SLC17A8: variants seen among roughly 807,000 people sequenced by gnomAD.
SLC17A8 encodes the protein solute carrier family 17 member 8.
In SLC17A8, 31 loss-of-function variants were observed where a neutral mutation model predicts 58.0. The ratio of observed to expected loss-of-function variants is 0.53; its 90% confidence interval spans 0.40 to 0.72. SLC17A8 has a LOEUF of 0.72. Among genes scored for constraint, SLC17A8 ranks in the 30% least tolerant of loss-of-function variants. The pLI is 0.00. For missense variants in SLC17A8, 655 were observed against 727.8 expected, an observed-to-expected ratio of 0.90 and a Z score of 1.15; for synonymous variants, 228 against 249.0, an observed-to-expected ratio of 0.92 and a Z score of 0.79.
chr12:100,417,903 TG>T, intron 10 of SLC17A8, 125 bp from the exon 11 acceptor site: 3 of 1,177,652 alleles, frequency 2.5e-6, no homozygotes, highest in Admixed American at 1.7e-5. Flanking sequence ...CCTCTTGGTC[TG>T]GAAACTAGTC....
Position 100,391,132 on chromosome 12 carries a change from G to T in SLC17A8, c.473+13G>T. On this transcript the variant is annotated intron_variant, in intron 3 of 11. Transcript: ENST00000323346. ...TTGCTGCTAACAGGTAAGATAAATT[G>T]ATATAACATGATACAAACCAATGAA... is the stretch of plus-strand genomic sequence containing the variant. The T allele has an allele frequency of 6.6e-7, 1 of 1,505,786 alleles. No homozygotes were observed. Among genetic ancestry groups the T allele is most frequent in the South Asian group, 1.1e-5 (1 of 88,772 alleles). 93.3% of individuals were successfully genotyped at this position (1,505,786 alleles called of 1,614,324 possible).
In SLC17A8 at chr12:100,394,216, C is replaced by T. The variant is rs143372291; in HGVS notation, c.588+733C>T. ...ACCCTCGATATACAGCAATGTTTCC[C>T]AAACACAGTCATTCACCTCTGACCT... On this transcript the variant is annotated intron_variant, in intron 4 of 11. Transcript: ENST00000323346. 6.5e-4 allele frequency among the ~76,000 whole-genome samples: 99 copies of T among 152,194 alleles called. 1 individual carries two copies. The highest frequency in any genetic ancestry group is 1.8e-3 in the Admixed American group (27 of 15,290).
intron 2 of SLC17A8, among the ~76,000 whole-genome samples, chr12:100,385,324 C>T (rs1289593673): frequency 6.6e-6 from 1 of 151,070 alleles, no homozygotes; most frequent in Non-Finnish European, 1.5e-5. Context: ...GCGACCTCCA[C>T]CTCCCCGGTT....
rs11568543 is a variant in SLC17A8, at chr12:100,401,837, G to C, written c.737G>C (p.Gly246Ala). Residue 246 changes from glycine (G) to alanine (A), a missense_variant, in exon 6 of 12, where the codon GGA becomes GCA. Gly to Ala is a moderately conservative substitution (Grantham distance 60). Transcript: ENST00000323346. Reference protein sequence around the residue: ...PLAGVLVQYIGWSSVFYIYGM... With the variant: ...PLAGVLVQYIAWSSVFYIYGM... ...GCTGGGGTGTTGGTGCAGTACATTG[G>C]ATGGTCCTCTGTCTTTTATATTTAT... 1.9e-6 allele frequency: 3 copies of C among 1,613,958 alleles called. No homozygotes were observed. The East Asian group carries it at 6.7e-5, about 36-fold the overall frequency.
In SLC17A8 at chr12:100,357,074, A is replaced by G. The variant is rs899807203; in HGVS notation, c.-318A>G. On this transcript the variant is annotated 5_prime_UTR_variant, in exon 1 of 12. Transcript: ENST00000323346. Reference sequence around the variant, plus strand: ...CCAGGGAGGGAGAGAGGCTGCGCTCAGTCTGAGAGTGGCTGCCTGAGACAG... The same window carrying G: ...CCAGGGAGGGAGAGAGGCTGCGCTCGGTCTGAGAGTGGCTGCCTGAGACAG... 1.7e-5 allele frequency: 6 copies of G among 351,568 alleles called. No individual in the cohort carries two copies. The highest frequency in any genetic ancestry group is 2.8e-5 in the Non-Finnish European group (5 of 181,674). The allele number at this position is 351,568 out of a possible 1,614,324, so 21.8% of individuals were successfully genotyped here. A position where few individuals can be genotyped will look rare whatever the true frequency, so the allele number is the denominator to read the frequency against.
chr12:100,410,212 T>G (rs1170365404), intron 9 of SLC17A8, among the ~76,000 whole-genome samples: 3 of 151,438 alleles, frequency 2.0e-5, no homozygotes, highest in Admixed American at 1.3e-4. Context: ...ATACAAAAAT[T>G]AGACTGGGCG....
rs762308166 is a variant in SLC17A8, at chr12:100,402,340, G to A, written c.764G>A (p.Gly255Asp). The A allele has an allele frequency of 6.2e-7, 1 of 1,614,000 alleles. No individual in the cohort carries two copies. Among genetic ancestry groups the A allele is most frequent in the Non-Finnish European group, 8.5e-7 (1 of 1,180,012 alleles). Residue 255 changes from glycine to aspartate, a missense_variant and splice_region_variant, in exon 7 of 12, where the codon GGC (glycine) becomes GAC (aspartate). Physicochemically the swap from Gly to Asp is moderately conservative, Grantham distance 94. Transcript: ENST00000323346. ...IGWSSVFYIY[G>D]MFGIIWYMFW... ...CCAGCCTTTTCTTTTTTAACTGCAG[G>A]CATGTTTGGGATTATTTGGTACATG...
At chr12:100,359,981 G>C (rs938491886) in intron 1 of SLC17A8, among the ~76,000 whole-genome samples, 1 of 152,200 alleles carries the variant, frequency 6.6e-6, no homozygotes. Flanking sequence ...TTGAGGCTGA[G>C]GTCATCATCT....
intron 3 of SLC17A8, 88 bp downstream of exon 3, chr12:100,391,207 G>A (rs1018102029): frequency 2.2e-6 from 2 of 927,210 alleles, no homozygotes; most frequent in Non-Finnish European, 3.6e-6. Context: ...CAATTTGGGG[G>A]TGCAGAATGA....
intron 9 of SLC17A8, among the ~76,000 whole-genome samples, chr12:100,411,699 CT>C (rs1234435565): frequency 6.6e-6 from 1 of 151,760 alleles, no homozygotes; most frequent in East Asian, 1.9e-4. Flanking sequence ...GTCAGCTGAA[CT>C]TTTTTTTCGG....
At chr12:100,409,641 G>T (rs1200099024) in intron 9 of SLC17A8, among the ~76,000 whole-genome samples, 1 of 152,196 alleles carries the variant, frequency 6.6e-6, no homozygotes, top group Non-Finnish European at 1.5e-5. Flanking sequence ...CATTGGTTGA[G>T]GGTAGGGAGA....
Position 100,420,304 on chromosome 12 carries a change from A to G in SLC17A8, c.*145A>G, listed in dbSNP as rs578198835. On this transcript the variant is annotated 3_prime_UTR_variant, in exon 12 of 12. Transcript: ENST00000323346. ...CAGCAACAGGGAAAAGAGAAATATTATCTTTCAATGACATGTATAGGTAAG... is the reference window on the plus strand; with the variant it reads ...CAGCAACAGGGAAAAGAGAAATATTGTCTTTCAATGACATGTATAGGTAAG... 68 of 663,798 alleles carry G rather than the reference A, an allele frequency of 1.0e-4. 2 individuals are homozygous for G. In the Admixed American group the frequency reaches 1.1e-3, roughly 10 times the overall value. 41.1% of individuals were successfully genotyped at this position (663,798 alleles called of 1,614,324 possible).
At chr12:100,392,778 G>T (rs113674869) in intron 3 of SLC17A8, among the ~76,000 whole-genome samples, 3,563 of 152,290 alleles carry the variant, frequency 0.023, 42 homozygotes, top group Non-Finnish European at 0.028. Flanking sequence ...TACACAACCT[G>T]TCTTGTGCTT....
At chr12:100,413,224 C>A (rs1952883041) in intron 10 of SLC17A8, among the ~76,000 whole-genome samples, 1 of 152,138 alleles carries the variant, frequency 6.6e-6, no homozygotes, top group East Asian at 1.9e-4. Flanking sequence ...GACAGAGGCT[C>A]CTGTGACTTT....
intron 10 of SLC17A8, among the ~76,000 whole-genome samples, chr12:100,413,172 G>A (rs1171961255): frequency 6.6e-6 from 1 of 152,160 alleles, no homozygotes; most frequent in Admixed American, 6.6e-5. Context: ...TATGTCCTGG[G>A]TGAAGTGGAC....
rs920656729 is a variant in SLC17A8 at position 100,421,843 on chromosome 12, T to G, written c.*1684T>G. 1 of 152,062 alleles carries G rather than the reference T, an allele frequency of 6.6e-6. No individual in the cohort carries two copies. Among genetic ancestry groups the G allele is most frequent in the Non-Finnish European group, 1.5e-5 (1 of 68,002 alleles). 9.4% of individuals were successfully genotyped at this position (152,062 alleles called of 1,614,324 possible). On this transcript the variant is annotated 3_prime_UTR_variant, in exon 12 of 12. Transcript: ENST00000323346. ...TGTTAGTAGACATCTTTAAATCTCT[T>G]TAATGAGTGAATCCATGCAAGCCCC...
chr12:100,358,050 A>G (rs1952460539), intron 1 of SLC17A8, among the ~76,000 whole-genome samples: 2 of 152,188 alleles, frequency 1.3e-5, no homozygotes, highest in Admixed American at 1.3e-4. Flanking sequence ...CAGTGGGAAA[A>G]TGTTAAGTAC....
chr12:100,403,944 T>A, intron 8 of SLC17A8, 94 bp from the exon 9 acceptor site: 1 of 1,429,440 alleles, frequency 7.0e-7, no homozygotes. Context: ...TGGTGGTAGG[T>A]AGGGGGGCTG....
At chr12:100,362,890 C>T (rs2135968467) in intron 1 of SLC17A8, among the ~76,000 whole-genome samples, 1 of 152,238 alleles carries the variant, frequency 6.6e-6, no homozygotes, top group South Asian at 2.1e-4. Context: ...GGTCTAAATC[C>T]CTGGTTAACA....
Sources: allele counts gnomAD v4.1 joint callset (sites outside exome capture counted in the v4.1 genomes callset), GRCh38; gene constraint gnomAD v4.1.1; transcripts MANE v1.5; gene names NCBI Gene and HGNC (gene_info 2026-07-23, HGNC 2026-07-21).